IDE: variants seen among roughly 807,000 people sequenced by gnomAD.
IDE encodes the protein insulin-degrading enzyme.
IDE carries 58 observed loss-of-function variants against 133.2 expected under a neutral mutation model. The ratio of observed to expected loss-of-function variants is 0.44; its 90% CI spans 0.35 to 0.54. The LOEUF (loss-of-function observed/expected upper bound fraction) is 0.54, where lower values mean the gene tolerates loss of function less well. Among genes scored for constraint, IDE ranks in the 20% least tolerant of loss-of-function variants. The pLI is 0.00. For synonymous variants in IDE, 396 were observed against 421.3 expected, an observed-to-expected ratio of 0.94 and a Z score of 0.73; for missense variants, 981 against 1,234.0, an observed-to-expected ratio of 0.79 and a Z score of 3.07.
chr10:92,493,145 T>C (rs1847464413), intron 11 of IDE, among the ~76,000 whole-genome samples: 1 of 152,132 alleles, frequency 6.6e-6, no homozygotes, highest in Admixed American at 6.5e-5. Context: ...AAGAATCCCG[T>C]TTGAGGTGTA....
intron 15 of IDE, 45 bp downstream of exon 15, chr10:92,479,232 T>TA (rs761610229): frequency 3.5e-6 from 5 of 1,438,836 alleles, no homozygotes; most frequent in African/African-American, 1.4e-5. Context: ...CAAATCAATA[T>TA]AAAAAATGTT....
chr10:92,533,715 C>A (rs1253511380), intron 3 of IDE, among the ~76,000 whole-genome samples: 36 of 119,288 alleles, frequency 3.0e-4, no homozygotes, highest in East Asian at 4.6e-4. Context: ...AAAAATTGAC[C>A]AAAAAAAAAA....
intron 22 of IDE, among the ~76,000 whole-genome samples, chr10:92,459,869 G>A (rs1481117847): frequency 6.1e-5 from 8 of 130,286 alleles, no homozygotes; most frequent in Admixed American, 9.3e-5. Context: ...TCGCACTGTC[G>A]CCCGGGCTGG....
intron 1 of IDE, among the ~76,000 whole-genome samples, chr10:92,543,052 T>C (rs1842383734): frequency 6.6e-6 from 1 of 152,230 alleles, no homozygotes; most frequent in Non-Finnish European, 1.5e-5. Flanking sequence ...TCCATTGGTC[T>C]CTCACAAATT....
intron 5 of IDE, among the ~76,000 whole-genome samples, chr10:92,513,200 G>A (rs551336212): frequency 5.3e-5 from 8 of 152,000 alleles, no homozygotes; most frequent in South Asian, 2.1e-4. Flanking sequence ...TTTTGTTGTC[G>A]TTTGTTTTTT....
rs539613335 is a variant in IDE, at chr10:92,455,480, C to CAAAAACA, written c.2964+89_2964+95dup. ...TGGGTGACTGAGTGAGACTCCATTTCAAAAACAAAAAACAAAAAACAAAAA... is the reference window on the plus strand; with the variant it reads ...TGGGTGACTGAGTGAGACTCCATTTCAAAAACAAAAAACAAAAAACAAAAAACAAAAA... On this transcript the variant is annotated intron_variant, in intron 24 of 24. Transcript: ENST00000265986. The CAAAAACA allele has an allele frequency of 5.0e-6, 4 of 807,180 alleles. No homozygotes were observed. In the South Asian group the frequency reaches 6.0e-5, roughly 12 times the overall value. The allele number at this position is 807,180 out of a possible 1,614,324, so 50.0% of individuals were successfully genotyped here.
At chr10:92,509,295 T>C (rs1178403147) in intron 6 of IDE, among the ~76,000 whole-genome samples, 2 of 152,104 alleles carry the variant, frequency 1.3e-5, no homozygotes, top group African/African-American at 4.8e-5. Flanking sequence ...CCGACAAATA[T>C]TTAAAACCAC....
intron 17 of IDE, among the ~76,000 whole-genome samples, chr10:92,471,184 C>T (rs1033094947): frequency 6.6e-6 from 1 of 151,784 alleles, no homozygotes; most frequent in South Asian, 2.1e-4. Flanking sequence ...TTTCTATTTC[C>T]CTCTTTCTTT....
At chr10:92,486,485 T>A (rs1483366824) in intron 13 of IDE, among the ~76,000 whole-genome samples, 3 of 152,232 alleles carry the variant, frequency 2.0e-5, no homozygotes, top group Admixed American at 2.0e-4. Context: ...TTAGGTCATC[T>A]GAAGAAGATA....
rs1316355350 is a variant in IDE, at chr10:92,524,397, A to T, written c.661+7351T>A. Reference sequence around the variant, plus strand: ...ATATTATATATAATATATTTTATATAATATATAATATATATTATATTATAT... The same window carrying T: ...ATATTATATATAATATATTTTATATTATATATAATATATATTATATTATAT... On this transcript the variant is annotated intron_variant, in intron 4 of 24. Coordinates refer to ENST00000265986, the MANE Select transcript of IDE (RefSeq NM_004969.4). Among the ~76,000 whole-genome samples, 225 of 90,710 alleles carry T rather than the reference A, an allele frequency of 2.5e-3. 16 individuals are homozygous for T. The highest frequency in any genetic ancestry group is 3.3e-3 in the Non-Finnish European group (166 of 50,926). The allele number at this position is 90,710 out of a possible 152,430, so 59.5% of individuals were successfully genotyped here. A position where few individuals can be genotyped will look rare whatever the true frequency, so the allele number is the denominator to read the frequency against.
At position 92,510,160 on chromosome 10, in the gene IDE, A is replaced by T; in HGVS notation, c.787T>A (p.Ser263Thr). 3 of 1,468,584 alleles carry T rather than the reference A, an allele frequency of 2.0e-6. No homozygotes were observed. Among genetic ancestry groups the T allele is most frequent in the Non-Finnish European group, 2.8e-6 (3 of 1,054,180 alleles). The allele number at this position is 1,468,584 out of a possible 1,614,324, so 91.0% of individuals were successfully genotyped here. Reference protein sequence around the residue: ...LMAVCVLGRESLDDLTNLVVK... With the variant: ...LMAVCVLGRETLDDLTNLVVK... Reference sequence around the variant, plus strand: ...ACCAGATTAGTCAAGTCATCTAAAGATTCTACAAGAAAACAGACAAGGAAA... The same window carrying T: ...ACCAGATTAGTCAAGTCATCTAAAGTTTCTACAAGAAAACAGACAAGGAAA... The change falls in exon 6 of 25, where the codon TCT becomes ACT. Residue 263 changes from serine (S) to threonine (T), a missense_variant and splice_region_variant. This residue lies in a region of IDE where 321 missense variants were observed against 339.3 expected (regional missense o/e 0.95). Transcript: ENST00000265986.
intron 21 of IDE, among the ~76,000 whole-genome samples, chr10:92,462,843 G>A (rs761731737): frequency 2.0e-5 from 3 of 152,276 alleles, no homozygotes; most frequent in South Asian, 2.1e-4. Flanking sequence ...CTAGGTACAC[G>A]GCAAATGCTC....
chr10:92,488,638 A>G (rs1847154101), intron 12 of IDE, among the ~76,000 whole-genome samples: 1 of 151,942 alleles, frequency 6.6e-6, no homozygotes, highest in Admixed American at 6.6e-5. Flanking sequence ...TTAGCCGGGT[A>G]TGGTGGTGTG....
rs530139798 is a variant in IDE, at chr10:92,508,334, A to G, written c.1061-129T>C. 3.0e-4 allele frequency: 216 copies of G among 718,528 alleles called. 2 individuals are homozygous for G. The Middle Eastern group carries it at 3.7e-3, about 12-fold the overall frequency. 44.5% of individuals were successfully genotyped at this position (718,528 alleles called of 1,614,324 possible). ...ATGAACCTCTTGCGAAAAGATTGGG[A>G]AAAAAAAATCAGTTCAGAAAAGCAG... On this transcript the variant is annotated intron_variant, in intron 7 of 24. Transcript: ENST00000265986.
intron 1 of IDE, among the ~76,000 whole-genome samples, chr10:92,567,481 GTC>G (rs1221099322): frequency 5.3e-5 from 8 of 152,076 alleles, no homozygotes; most frequent in African/African-American, 1.9e-4. Context: ...TCCCTCATCA[GTC>G]TCTGCCTGCG....
At chr10:92,494,398 A>G (rs1353116406) in intron 11 of IDE, among the ~76,000 whole-genome samples, 7 of 144,776 alleles carry the variant, frequency 4.8e-5, no homozygotes, top group Non-Finnish European at 1.1e-4. Flanking sequence ...ATGTGGCTAG[A>G]GTGTGGGGGA....
At chr10:92,565,611 C>A (rs531790993) in intron 1 of IDE, among the ~76,000 whole-genome samples, 1 of 152,152 alleles carries the variant, frequency 6.6e-6, no homozygotes, top group African/African-American at 2.4e-5. Flanking sequence ...CCCCCTCCCC[C>A]ACCGCATCTA....
intron 17 of IDE, 160 bp downstream of exon 17, chr10:92,474,681 T>C: frequency 1.7e-6 from 1 of 590,178 alleles, no homozygotes; most frequent in Non-Finnish European, 3.0e-6. Flanking sequence ...CTGTTAACTA[T>C]AGCCATCCTG....
At chr10:92,517,198 T>C (rs956066522) in intron 4 of IDE, among the ~76,000 whole-genome samples, 3 of 152,216 alleles carry the variant, frequency 2.0e-5, no homozygotes, top group African/African-American at 7.2e-5. Flanking sequence ...AGCCACCAGA[T>C]GGCGCTCTCA....
Sources: allele counts gnomAD v4.1 joint callset (sites outside exome capture counted in the v4.1 genomes callset), GRCh38; gene constraint gnomAD v4.1.1; regional missense constraint gnomAD v4.1.1; transcripts MANE v1.5; gene names NCBI Gene and HGNC (gene_info 2026-07-23, HGNC 2026-07-21).